The following TRMT11 variants were observed in gnomAD, a reference collection of about 807,000 sequenced individuals.
TRMT11 encodes tRNA (guanine(10)-N(2))-methyltransferase TRMT11.
A neutral mutation model predicts 62.8 loss-of-function variants in TRMT11; 53 were observed. The ratio of observed to expected loss-of-function variants is 0.84; its 90% CI spans 0.68 to 1.06. The LOEUF (loss-of-function observed/expected upper bound fraction) is 1.06, where lower values mean the gene tolerates loss of function less well. Ranked by LOEUF, TRMT11 falls within the 50% of genes least tolerant of loss-of-function variation. The pLI, the probability that TRMT11 is intolerant of heterozygous loss-of-function variation, is 0.00. For synonymous variants in TRMT11, 188 were observed against 190.3 expected (o/e 0.99, Z 0.10); for missense variants, 556 against 553.4 (o/e 1.00, Z -0.05).
intron 1 of TRMT11, among the ~76,000 whole-genome samples, chr6:125,987,698 C>T (rs1789891065): frequency 2.6e-5 from 4 of 152,080 alleles, no homozygotes; most frequent in Admixed American, 6.5e-5. Context: ...GCCATACAGT[C>T]ATTAAGGCTG....
upstream of TRMT11, among the ~76,000 whole-genome samples, chr6:126,175,333 T>C (rs1157682882): frequency 6.6e-6 from 1 of 152,220 alleles, no homozygotes; most frequent in African/African-American, 2.4e-5. Flanking sequence ...ATAGGTTTAG[T>C]AAGTTTTGTG....
downstream of TRMT11, among the ~76,000 whole-genome samples, chr6:126,205,318 C>T (rs1340445875): frequency 6.6e-6 from 1 of 152,290 alleles, no homozygotes; most frequent in East Asian, 1.9e-4. Context: ...GCCTGACCAA[C>T]ATGGTGAAAC....
chr6:126,057,862 T>C (rs1776415069), intron 17 of TRMT11, among the ~76,000 whole-genome samples: 1 of 152,150 alleles, frequency 6.6e-6, no homozygotes, highest in South Asian at 2.1e-4. Flanking sequence ...GTCTTCAGAG[T>C]CTTTCTATTA....
upstream of TRMT11, among the ~76,000 whole-genome samples, chr6:126,173,990 A>G (rs1295439840): frequency 6.6e-6 from 1 of 152,196 alleles, no homozygotes; most frequent in Non-Finnish European, 1.5e-5. Context: ...GCACTGATCC[A>G]AGGTCCTGGC....
chr6:125,987,114 T>C (rs1789776647), intron 1 of TRMT11: 1 of 157,998 alleles, frequency 6.3e-6, no homozygotes, highest in African/African-American at 2.4e-5. Flanking sequence ...GTAACGATGA[T>C]GTAAGCAATC....
chr6:126,149,018 T>C (rs1778006576), intron 21 of TRMT11, among the ~76,000 whole-genome samples: 2 of 152,228 alleles, frequency 1.3e-5, no homozygotes, highest in South Asian at 4.1e-4. Flanking sequence ...GTGGCTGTGA[T>C]TTACAAACCA....
At chr6:126,223,012 T>A in the TRMT11 span, among the ~76,000 whole-genome samples, 3 of 152,052 alleles carry the variant, frequency 2.0e-5, no homozygotes, top group Non-Finnish European at 2.9e-5. Context: ...GTAAGGTAGG[T>A]CTGGTGGTAA....
At chr6:125,999,269 G>C (rs972512994) in intron 6 of TRMT11, among the ~76,000 whole-genome samples, 188 bp from the exon 7 acceptor site, 1 of 152,062 alleles carries the variant, frequency 6.6e-6, no homozygotes, top group Non-Finnish European at 1.5e-5. Flanking sequence ...AAAGTAAATG[G>C]AATGACATTA....
At chr6:126,234,829 G>C in the TRMT11 span, among the ~76,000 whole-genome samples, 1 of 152,168 alleles carries the variant, frequency 6.6e-6, no homozygotes, top group Admixed American at 6.6e-5. Flanking sequence ...GTTCAAGCCA[G>C]TGTGCAGTCT....
At chr6:126,212,965 G>T in the TRMT11 span, among the ~76,000 whole-genome samples, 1 of 152,070 alleles carries the variant, frequency 6.6e-6, no homozygotes, top group Non-Finnish European at 1.5e-5. Flanking sequence ...AAAGATAGGG[G>T]TCTAGTTTCA....
intron 17 of TRMT11, among the ~76,000 whole-genome samples, chr6:126,066,286 C>A (rs1314230822): frequency 6.6e-6 from 1 of 152,190 alleles, no homozygotes; most frequent in African/African-American, 2.4e-5. Flanking sequence ...TGTGGCCTTA[C>A]ATGGACTGTC....
At chr6:125,989,047 T>C (rs1461099823) in intron 1 of TRMT11, among the ~76,000 whole-genome samples, 1 of 149,334 alleles carries the variant, frequency 6.7e-6, no homozygotes, top group African/African-American at 2.5e-5. Flanking sequence ...GAGGTTGAAG[T>C]GGTGGGCATT....
At chr6:126,228,117 T>A in the TRMT11 span, among the ~76,000 whole-genome samples, 2 of 152,186 alleles carry the variant, frequency 1.3e-5, no homozygotes, top group Non-Finnish European at 2.9e-5. Context: ...CTATTCCCCA[T>A]CCCTCTGTGA....
At chr6:126,106,068 G>A (rs1393598583) in intron 17 of TRMT11, among the ~76,000 whole-genome samples, 1 of 152,062 alleles carries the variant, frequency 6.6e-6, no homozygotes, top group African/African-American at 2.4e-5. Flanking sequence ...TGGGATCTTG[G>A]TGTTTCCGTT....
chr6:126,236,290 A>G, the TRMT11 span, among the ~76,000 whole-genome samples: 1 of 152,218 alleles, frequency 6.6e-6, no homozygotes, highest in Non-Finnish European at 1.5e-5. Context: ...CACTTCTTCA[A>G]CATGAATATG....
intron 16 of TRMT11, among the ~76,000 whole-genome samples, chr6:126,050,866 C>T (rs1364907108): frequency 6.6e-6 from 1 of 152,140 alleles, no homozygotes; most frequent in Non-Finnish European, 1.5e-5. Flanking sequence ...AATATTTTGT[C>T]CTCATTGGTA....
chr6:125,993,761 T>C lies in TRMT11; in HGVS notation c.77T>C (p.Ile26Thr). The part of the protein sequence containing the change: ...QEHLEFRLPE[I>T]KSLLLLFGGQ... ...TCTGTAATATTTTCAATACAGGAAA[T>C]AAAGTCTTTGCTTTTGCTTTTTGGA... The change falls in exon 2 of 13, where the codon ATA becomes ACA. Residue 26 changes from isoleucine (I) to threonine (T), a missense_variant. Transcript: ENST00000334379. The C allele has an allele frequency of 1.9e-6, 3 of 1,603,108 alleles. No homozygotes were observed. Among genetic ancestry groups the C allele is most frequent in the Non-Finnish European group, 2.6e-6 (3 of 1,170,820 alleles).
chr6:126,093,238 G>A (rs1410250228), intron 17 of TRMT11, among the ~76,000 whole-genome samples: 2 of 151,752 alleles, frequency 1.3e-5, no homozygotes, highest in Non-Finnish European at 2.9e-5. Flanking sequence ...ATAACAAATT[G>A]GTAGCTTAAC....
At chr6:126,147,494 T>A (rs562969261) in intron 21 of TRMT11, among the ~76,000 whole-genome samples, 3 of 152,332 alleles carry the variant, frequency 2.0e-5, no homozygotes, top group Non-Finnish European at 4.4e-5. Flanking sequence ...AACATCAAAT[T>A]GCTAAGGAAA....
Sources: allele counts gnomAD v4.1 joint callset (sites outside exome capture counted in the v4.1 genomes callset), GRCh38; gene constraint gnomAD v4.1.1; transcripts MANE v1.5; gene names NCBI Gene and HGNC (gene_info 2026-07-23, HGNC 2026-07-21).